Variants in SCFD2 observed in about 807,000 individuals in gnomAD.
SCFD2 encodes the protein sec1 family domain-containing protein 2.
A neutral mutation model predicts 58.9 loss-of-function variants in SCFD2; 54 were observed. That is an observed-to-expected ratio of 0.92 (90% CI 0.74 to 1.15). The LOEUF (loss-of-function observed/expected upper bound fraction) is 1.15. Among genes scored for constraint, SCFD2 ranks in the 50% most tolerant of loss-of-function variants. The probability of loss-of-function intolerance (pLI) is 0.00; values close to 1 mark genes in which losing one functional copy is unlikely to be tolerated. For synonymous variants in SCFD2, 321 were observed against 335.9 expected (o/e 0.96, Z 0.49); for missense variants, 805 against 836.6 (o/e 0.96, Z 0.47).
intron 5 of SCFD2, among the ~76,000 whole-genome samples, chr4:52,932,678 G>A (rs1271343805): frequency 6.6e-6 from 1 of 152,138 alleles, no homozygotes; most frequent in Non-Finnish European, 1.5e-5. Context: ...TAGAAGAAGA[G>A]AAGGGCAATT....
At chr4:52,949,526 C>T (rs1383298732) in intron 5 of SCFD2, 1 of 152,192 alleles carries the variant, frequency 6.6e-6, no homozygotes, top group African/African-American at 2.4e-5. Context: ...CAGGTGTTCT[C>T]TCTTGAACTC....
At chr4:53,017,370 CT>C (rs1722240296) in intron 5 of SCFD2, among the ~76,000 whole-genome samples, 3 of 152,164 alleles carry the variant, frequency 2.0e-5, no homozygotes, top group African/African-American at 7.2e-5. Context: ...TGAAAACTTA[CT>C]GTGTGAAATA....
chr4:53,094,115 G>T (rs1382028459), intron 5 of SCFD2, among the ~76,000 whole-genome samples: 21 of 152,104 alleles, frequency 1.4e-4, no homozygotes, highest in African/African-American at 5.1e-4. Context: ...ATAACCTTTT[G>T]AGCCTCAGTT....
chr4:52,941,200 C>A (rs1185925102), intron 5 of SCFD2, among the ~76,000 whole-genome samples: 1 of 152,080 alleles, frequency 6.6e-6, no homozygotes, highest in East Asian at 1.9e-4. Context: ...TGAATACCTA[C>A]TATGCAGCAT....
chr4:53,109,776 T>C (rs1031891223), intron 5 of SCFD2, among the ~76,000 whole-genome samples: 3 of 152,090 alleles, frequency 2.0e-5, no homozygotes, highest in Admixed American at 1.3e-4. Context: ...ATCAATATCA[T>C]GAAAATGGCC....
chr4:53,086,009 G>A (rs1210553070), intron 5 of SCFD2, among the ~76,000 whole-genome samples: 1 of 152,212 alleles, frequency 6.6e-6, no homozygotes. Context: ...TATCCCACAA[G>A]CACAGGCAAC....
At chr4:53,160,177 T>C (rs1347683660) in intron 4 of SCFD2, among the ~76,000 whole-genome samples, 3 of 152,120 alleles carry the variant, frequency 2.0e-5, no homozygotes, top group African/African-American at 7.2e-5. Context: ...TCATTTAGGG[T>C]GGTGTAGCCG....
chr4:53,254,987 C>T (rs1456720801), intron 4 of SCFD2, among the ~76,000 whole-genome samples: 2 of 150,428 alleles, frequency 1.3e-5, no homozygotes, highest in Non-Finnish European at 3.0e-5. Context: ...ATTCTCCTGC[C>T]TCAGCCTCCC....
intron 4 of SCFD2, among the ~76,000 whole-genome samples, chr4:53,158,031 A>G (rs1393911129): frequency 6.6e-6 from 1 of 152,208 alleles, no homozygotes; most frequent in African/African-American, 2.4e-5. Context: ...GTTGATGTCA[A>G]TGCTTCTGAT....
intron 4 of SCFD2, among the ~76,000 whole-genome samples, chr4:53,185,337 G>C (rs1234513145): frequency 3.3e-5 from 5 of 152,008 alleles, no homozygotes; most frequent in Non-Finnish European, 5.9e-5. Flanking sequence ...ATGCTGCTCT[G>C]AATAGGAAAC....
chr4:53,173,225 C>T (rs542346941), intron 4 of SCFD2, among the ~76,000 whole-genome samples: 3 of 152,016 alleles, frequency 2.0e-5, no homozygotes, highest in Non-Finnish European at 2.9e-5. Context: ...ATATTATAAA[C>T]AATGTAAATC....
intron 2 of SCFD2, among the ~76,000 whole-genome samples, chr4:53,314,926 A>C (rs1200982956): frequency 6.6e-6 from 1 of 152,204 alleles, no homozygotes; most frequent in East Asian, 1.9e-4. Flanking sequence ...TCTGCATCTA[A>C]TATTCTTAAG....
intron 5 of SCFD2, among the ~76,000 whole-genome samples, chr4:53,026,497 A>C (rs1347554456): frequency 6.6e-6 from 1 of 152,200 alleles, no homozygotes; most frequent in Non-Finnish European, 1.5e-5. Flanking sequence ...CATAGCCACA[A>C]GGCCAGTTTT....
At chr4:53,334,746 T>C (rs1013845000) in intron 2 of SCFD2, among the ~76,000 whole-genome samples, 1 of 152,010 alleles carries the variant, frequency 6.6e-6, no homozygotes, top group African/African-American at 2.4e-5. Context: ...AAACTTAAAG[T>C]ATAAAAAAGA....
intron 4 of SCFD2, among the ~76,000 whole-genome samples, chr4:53,249,394 C>A (rs1577895068): frequency 1.3e-5 from 2 of 152,164 alleles, no homozygotes; most frequent in African/African-American, 2.4e-5. Flanking sequence ...AGGATATTAT[C>A]CAGGAGAACT....
intron 5 of SCFD2, among the ~76,000 whole-genome samples, chr4:53,144,969 C>T (rs1292064563): frequency 6.6e-6 from 1 of 152,176 alleles, no homozygotes; most frequent in East Asian, 1.9e-4. Flanking sequence ...GCCTGAGCTC[C>T]GCCTTCTGTC....
chr4:53,021,873 C>T (rs1393079807), intron 5 of SCFD2, among the ~76,000 whole-genome samples: 2 of 152,264 alleles, frequency 1.3e-5, no homozygotes, highest in East Asian at 1.9e-4. Flanking sequence ...GCCCTGGAAA[C>T]TGTAAGACAG....
intron 5 of SCFD2, among the ~76,000 whole-genome samples, chr4:52,999,912 G>A (rs919887905): frequency 6.6e-6 from 1 of 152,204 alleles, no homozygotes; most frequent in African/African-American, 2.4e-5. Flanking sequence ...GATGGCAGTC[G>A]CTGAGCTGCT....
intron 5 of SCFD2, among the ~76,000 whole-genome samples, chr4:53,134,143 AAGAGTGAAAT>A (rs760617423): frequency 1.1e-4 from 17 of 152,200 alleles, no homozygotes; most frequent in Non-Finnish European, 4.4e-5. Flanking sequence ...CATAGAATCA[AAGAGTGAAAT>A]GATGGTTACC....
Sources: gnomAD v4.1 joint callset for allele counts (sites outside exome capture counted in the v4.1 genomes callset) on GRCh38, gnomAD v4.1.1 for gene constraint, MANE v1.5 for transcripts, NCBI Gene and HGNC (gene_info 2026-07-23, HGNC 2026-07-21) for gene names.